Variants in SPTLC2 observed in about 807,000 individuals in gnomAD.
The protein encoded by SPTLC2 is serine palmitoyltransferase 2.
SPTLC2 carries 21 observed loss-of-function variants against 62.0 expected under a neutral mutation model. The ratio of observed to expected loss-of-function variants is 0.34; its 90% CI spans 0.24 to 0.49. SPTLC2 has a LOEUF of 0.49. Ranked by LOEUF, SPTLC2 falls within the 20% of genes least tolerant of loss-of-function variation. The pLI is 0.99. For synonymous variants in SPTLC2, 261 were observed against 261.8 expected (o/e 1.00, Z 0.03); for missense variants, 511 against 713.0 (o/e 0.72, Z 3.23).
chr14:77,576,966 A>C (rs983424402), intron 3 of SPTLC2, 51 bp from the exon 4 acceptor site: 2 of 1,603,730 alleles, frequency 1.2e-6, no homozygotes, highest in Non-Finnish European at 1.7e-6. Context: ...AAAAGTACTT[A>C]CATGTAATAT....
At chr14:77,613,472 T>C (rs2079948687) in intron 1 of SPTLC2, among the ~76,000 whole-genome samples, 1 of 152,240 alleles carries the variant, frequency 6.6e-6, no homozygotes, top group South Asian at 2.1e-4. Flanking sequence ...TCTACTGTCA[T>C]CACTAAACAG....
chr14:77,589,977 CAAA>C (rs760780304), intron 2 of SPTLC2, among the ~76,000 whole-genome samples: 27 of 120,688 alleles, frequency 2.2e-4, no homozygotes, highest in Admixed American at 2.4e-4. Context: ...GACCCTGTCT[CAAA>C]AAAAAAAAAA....
At chr14:77,609,790 C>T (rs1230599309) in intron 1 of SPTLC2, among the ~76,000 whole-genome samples, 1 of 151,974 alleles carries the variant, frequency 6.6e-6, no homozygotes, top group African/African-American at 2.4e-5. Context: ...ACTTGGGAGG[C>T]TGAGGTGGGA....
intron 9 of SPTLC2, among the ~76,000 whole-genome samples, chr14:77,543,471 C>A (rs1460534761): frequency 3.9e-5 from 6 of 152,088 alleles, no homozygotes; most frequent in Non-Finnish European, 7.4e-5. Flanking sequence ...AAAGGCTTGG[C>A]TTGGATTTAA....
At chr14:77,585,530 C>T (rs1488387682) in intron 2 of SPTLC2, among the ~76,000 whole-genome samples, 2 of 152,116 alleles carry the variant, frequency 1.3e-5, no homozygotes, top group African/African-American at 4.8e-5. Flanking sequence ...GCATTTGAGG[C>T]AAACAATCAC....
chr14:77,513,600 A>G (rs2079343922), intron 11 of SPTLC2, among the ~76,000 whole-genome samples: 1 of 152,134 alleles, frequency 6.6e-6, no homozygotes, highest in Admixed American at 6.6e-5. Flanking sequence ...ATTTAAGACA[A>G]AAGTCAAAGC....
chr14:77,551,175 C>T (rs564635352), intron 9 of SPTLC2, among the ~76,000 whole-genome samples: 2 of 152,048 alleles, frequency 1.3e-5, no homozygotes, highest in East Asian at 3.9e-4. Flanking sequence ...GGGCGGATCA[C>T]GAGGTCAGGA....
intron 9 of SPTLC2, among the ~76,000 whole-genome samples, chr14:77,541,174 A>T (rs573815913): frequency 1.2e-3 from 181 of 152,164 alleles, no homozygotes; most frequent in Admixed American, 3.8e-3. Flanking sequence ...GACTATAGGC[A>T]TAAGCCACCA....
At chr14:77,553,204 A>C (rs2079564566) in intron 8 of SPTLC2, among the ~76,000 whole-genome samples, 1 of 152,204 alleles carries the variant, frequency 6.6e-6, no homozygotes, top group South Asian at 2.1e-4. Context: ...ACACACAAGA[A>C]GCTTATGTAC....
chr14:77,515,512 G>A (rs2079354005), intron 11 of SPTLC2, among the ~76,000 whole-genome samples: 1 of 148,610 alleles, frequency 6.7e-6, no homozygotes, highest in African/African-American at 2.5e-5. Flanking sequence ...CAGTGTACAA[G>A]TGTAAATTAG....
intron 3 of SPTLC2, among the ~76,000 whole-genome samples, chr14:77,577,894 T>C (rs2079725786): frequency 6.6e-6 from 1 of 151,740 alleles, no homozygotes; most frequent in Non-Finnish European, 1.5e-5. Context: ...AGCAAGACTC[T>C]GACACTTTGG....
Position 77,513,016 on chromosome 14 carries a change from C to CTTTTTTTTTTTTT in SPTLC2, c.1570-626_1570-614dup, listed in dbSNP as rs1190713237. The stretch of plus-strand genomic sequence containing the variant: ...AGGCGTAAGCCAACGAACCCAGCAA[C>CTTTTTTTTTTTTT]TTTTTTTTTTTTTTTTTTTTTTTTT... On this transcript the variant is annotated intron_variant, in intron 11 of 11. Coordinates refer to ENST00000216484, the MANE Select transcript of SPTLC2 (RefSeq NM_004863.4). Among the ~76,000 whole-genome samples, 110 of 62,824 alleles carry CTTTTTTTTTTTTT rather than the reference C, an allele frequency of 1.8e-3. 27 individuals are homozygous for CTTTTTTTTTTTTT. Among genetic ancestry groups the CTTTTTTTTTTTTT allele is most frequent in the Admixed American group, 2.8e-3 (9 of 3,170 alleles). 41.2% of individuals were successfully genotyped at this position (62,824 alleles called of 152,430 possible).
At chr14:77,614,590 G>A (rs1951620683) in intron 1 of SPTLC2, among the ~76,000 whole-genome samples, 3 of 151,900 alleles carry the variant, frequency 2.0e-5, no homozygotes, top group Admixed American at 2.0e-4. Context: ...CGTGAACCTG[G>A]GAGGTAGAGC....
chr14:77,519,845 A>T (rs959374227), intron 10 of SPTLC2, among the ~76,000 whole-genome samples: 9 of 152,054 alleles, frequency 5.9e-5, no homozygotes, highest in Admixed American at 3.9e-4. Context: ...ACATGCTCCC[A>T]AACTGTCTAG....
rs551884332 is a variant in SPTLC2 at position 77,602,859 on chromosome 14, C to T, written c.133-5479G>A. ...AAACTGCTGGGATTACAGGCATGAG[C>T]CACTGTGCCCAGCCTAGTCTACAAG... On this transcript the variant is annotated intron_variant, in intron 1 of 11. Transcript: ENST00000216484. 5.5e-3 allele frequency among the ~76,000 whole-genome samples: 831 copies of T among 152,288 alleles called. 10 individuals are homozygous for T. Among genetic ancestry groups the T allele is most frequent in the African/African-American group, 0.019 (781 of 41,550 alleles).
At chr14:77,588,527 C>CA (rs35307713) in intron 2 of SPTLC2, among the ~76,000 whole-genome samples, 454 of 130,558 alleles carry the variant, frequency 3.5e-3, no homozygotes, top group Middle Eastern at 8.0e-3. Flanking sequence ...CCTGTCTCTA[C>CA]AAAAAAAAAA....
rs1352551715 is a variant in SPTLC2, at chr14:77,598,056, A to G, written c.133-676T>C. ...AGAATTGCTTGAACCTTGGAGATGG[A>G]AGTTGTGGGGAGCCGAGATCAAGCC... On this transcript the variant is annotated intron_variant, in intron 1 of 11. Transcript: ENST00000216484. Among the ~76,000 whole-genome samples the G allele has an allele frequency of 2.6e-5, 4 of 151,470 alleles. No individual in the cohort carries two copies. The East Asian group carries it at 7.8e-4, about 29-fold the overall frequency.
Position 77,507,348 on chromosome 14 carries a change from T to TTTTA in SPTLC2, c.*4935_*4936insTAAA, listed in dbSNP as rs1398465427. On this transcript the variant is annotated 3_prime_UTR_variant, in exon 12 of 12. Transcript: ENST00000216484. ...TGGGCACACCTTTTTTTTTTTTTTT[T>TTTTA]GAGACAGAGTCTCCCTCTGTCGCCA... 1 of 151,312 alleles carries TTTTA rather than the reference T, an allele frequency of 6.6e-6. No individual in the cohort carries two copies. Among genetic ancestry groups the TTTTA allele is most frequent in the African/African-American group, 2.4e-5 (1 of 40,892 alleles). The allele number at this position is 151,312 out of a possible 1,614,324, so 9.4% of individuals were successfully genotyped here. A position where few individuals can be genotyped will look rare whatever the true frequency, so the allele number is the denominator to read the frequency against.
intron 7 of SPTLC2, among the ~76,000 whole-genome samples, chr14:77,556,544 A>G (rs1217988526): frequency 6.6e-6 from 1 of 152,134 alleles, no homozygotes; most frequent in African/African-American, 2.4e-5. Flanking sequence ...CCAAAATAAA[A>G]TATTTCTTTT....
Sources: allele counts gnomAD v4.1 joint callset (sites outside exome capture counted in the v4.1 genomes callset), GRCh38; gene constraint gnomAD v4.1.1; transcripts MANE v1.5; gene names NCBI Gene and HGNC (gene_info 2026-07-23, HGNC 2026-07-21).